Variants in ABCG4 observed in about 807,000 individuals in gnomAD.
ABCG4 encodes ATP-binding cassette sub-family G member 4.
In ABCG4, 35 loss-of-function variants were observed where a neutral mutation model predicts 64.6. The observed-to-expected ratio is 0.54, with a 90% CI of 0.41 to 0.72. The LOEUF (loss-of-function observed/expected upper bound fraction) is 0.72. Among genes scored for constraint, ABCG4 ranks in the 30% least tolerant of loss-of-function variants. The pLI is 0.00. For missense variants in ABCG4, 610 were observed against 846.3 expected (o/e 0.72, Z 3.46); for synonymous variants, 326 against 348.2 (o/e 0.94, Z 0.71).
Position 119,154,986 on chromosome 11 carries a change from A to C in ABCG4, c.686+71A>C, listed in dbSNP as rs2135122271. 1.0e-5 allele frequency: 16 copies of C among 1,538,960 alleles called. 1 individual carries two copies. The highest frequency in any genetic ancestry group is 1.8e-4 in the Middle Eastern group (1 of 5,704). On this transcript the variant is annotated intron_variant, in intron 6 of 14. Transcript: ENST00000619701. This position sits in a 1 kb window ranked among gnomAD's most constrained non-coding sequence, Gnocchi z 7.0. ...GCCCTGAGCCAGGGCTGGAGGCTGC[A>C]TCTTCTCCATGATCCAGAGCCTCTG...
chr11:119,156,304 C>T lies in ABCG4; in HGVS notation c.687-25C>T, dbSNP rs777856343. On this transcript the variant is annotated intron_variant, in intron 6 of 14. Transcript: ENST00000619701. This position sits in a 1 kb window ranked among gnomAD's most constrained non-coding sequence, Gnocchi z 5.5. ...TTTGGCCTCACCCACCTCACGTGGC[C>T]CCCTGGTGGCCTCTCTCTGGACAGT... The T allele has an allele frequency of 9.7e-5, 156 of 1,613,964 alleles. No individual in the cohort carries two copies. The highest frequency in any genetic ancestry group is 1.3e-4 in the Non-Finnish European group (154 of 1,179,964).
chr11:119,154,000 A>G (rs1438284751), intron 2 of ABCG4, 26 bp from the exon 3 acceptor site: 3 of 1,604,206 alleles, frequency 1.9e-6, no homozygotes, highest in African/African-American at 1.3e-5. Context: ...CAGCCTGACT[A>G]AAAATTCCTC....
In ABCG4 at chr11:119,156,312, G is replaced by A; in HGVS notation, c.687-17G>A. On this transcript the variant is annotated splice_polypyrimidine_tract_variant and intron_variant, in intron 6 of 14. Coordinates refer to ENST00000619701, the MANE Select transcript of ABCG4 (RefSeq NM_022169.5). The surrounding 1 kb of genome is among the most constrained non-coding windows in gnomAD (Gnocchi z 5.5). ...CACCCACCTCACGTGGCCCCCTGGT[G>A]GCCTCTCTCTGGACAGTGGTCTGGA... 1.2e-6 allele frequency: 2 copies of A among 1,614,118 alleles called. No homozygotes were observed. The highest frequency in any genetic ancestry group is 1.7e-6 in the Non-Finnish European group (2 of 1,180,012).
rs1034978579 is a variant in ABCG4 at position 119,149,517 on chromosome 11, G to A, written c.-13+154G>A. On this transcript the variant is annotated intron_variant, in intron 1 of 14. Coordinates refer to ENST00000619701, the MANE Select transcript of ABCG4 (RefSeq NM_022169.5). The surrounding 1 kb of genome is among the most constrained non-coding windows in gnomAD (Gnocchi z 8.3). ...GGCCGGCCTGGGCGTCGCGCCAAGGGATGGGGAGTGGGACGCAGCCGGAGG... is the reference window on the plus strand; with the variant it reads ...GGCCGGCCTGGGCGTCGCGCCAAGGAATGGGGAGTGGGACGCAGCCGGAGG... 7 of 157,052 alleles carry A rather than the reference G, an allele frequency of 4.5e-5. No individual in the cohort carries two copies. The highest frequency in any genetic ancestry group is 1.7e-4 in the African/African-American group (7 of 41,566). The allele number at this position is 157,052 out of a possible 1,614,324, so 9.7% of individuals were successfully genotyped here.
At position 119,160,537 on chromosome 11, in the gene ABCG4, GGT is replaced by G; in HGVS notation, c.1598_1599del (p.Val533GlyfsTer43). 1 of 1,610,228 alleles carries G rather than the reference GGT, an allele frequency of 6.2e-7. No individual in the cohort carries two copies. The highest frequency in any genetic ancestry group is 1.1e-5 in the South Asian group (1 of 91,082). ...GCCTGGCCCCCTCCCTTCCCCTCTAGGTGGCCACTTTTGTGGGCCCAGTTACC... is the reference window on the plus strand; with the variant it reads ...GCCTGGCCCCCTCCCTTCCCCTCTAGGGCCACTTTTGTGGGCCCAGTTACC... ...LIGAASNSLQ[V>X]ATFVGPVTAI... On this transcript the variant is annotated frameshift_variant and splice_region_variant, in exon 14 of 15. Transcript: ENST00000619701. LOFTEE classifies it high-confidence loss of function. This position sits in a 1 kb window ranked among gnomAD's most constrained non-coding sequence, Gnocchi z 4.6.
Position 119,154,585 on chromosome 11 carries a change from G to A in ABCG4, c.540+10G>A, listed in dbSNP as rs575432351. The A allele has an allele frequency of 1.9e-6, 3 of 1,612,406 alleles. No individual in the cohort carries two copies. The highest frequency in any genetic ancestry group is 2.2e-5 in the East Asian group (1 of 44,886). On this transcript the variant is annotated intron_variant, in intron 5 of 14. Coordinates refer to ENST00000619701, the MANE Select transcript of ABCG4 (RefSeq NM_022169.5). The surrounding 1 kb of genome is among the most constrained non-coding windows in gnomAD (Gnocchi z 7.0). ...GGTGAAGAAGGAGCTGGTGAGTGGG[G>A]AAGGGAGGCAGTGGGACCACTCCCT...
Position 119,156,998 on chromosome 11 carries a change from G to A in ABCG4, c.1052G>A (p.Cys351Tyr). 1.2e-6 allele frequency: 2 copies of A among 1,609,916 alleles called. No individual in the cohort carries two copies. The highest frequency in any genetic ancestry group is 1.7e-6 in the Non-Finnish European group (2 of 1,178,010). Residue 351 changes from cysteine to tyrosine, a missense_variant, in exon 9 of 15, where the codon TGC (cysteine) becomes TAC (tyrosine). Coordinates refer to ENST00000619701, the MANE Select transcript of ABCG4 (RefSeq NM_022169.5). This position sits in a 1 kb window ranked among gnomAD's most constrained non-coding sequence, Gnocchi z 5.5. The stretch of plus-strand genomic sequence containing the variant: ...GAGAAGAACGAGGTCCCTGCCCCAT[G>A]CCCTCCTTGTCCTCCGGTGAGTAGG... ...SPEKNEVPAP[C>Y]PPCPPEVDPI...
At position 119,154,373 on chromosome 11, in the gene ABCG4, C is replaced by A; in HGVS notation, c.470C>A (p.Thr157Lys). Reference sequence around the variant, plus strand: ...GATGACATGCTGCTGCCGCACCTCACGGTGTTGGAAGCCATGATGGTGAGG... The same window carrying A: ...GATGACATGCTGCTGCCGCACCTCAAGGTGTTGGAAGCCATGATGGTGAGG... ...MQDDMLLPHL[T>K]VLEAMMVSAN... The change falls in exon 4 of 15, where the codon ACG becomes AAG. Residue 157 changes from threonine (T) to lysine (K), a missense_variant. By Grantham distance (78) the Thr-to-Lys change is moderately conservative. Coordinates refer to ENST00000619701, the MANE Select transcript of ABCG4 (RefSeq NM_022169.5). This position sits in a 1 kb window ranked among gnomAD's most constrained non-coding sequence, Gnocchi z 7.0. The A allele has an allele frequency of 6.2e-7, 1 of 1,614,190 alleles. No individual in the cohort carries two copies. The highest frequency in any genetic ancestry group is 8.5e-7 in the Non-Finnish European group (1 of 1,180,038).
chr11:119,157,796 G>A (rs1310074170), intron 9 of ABCG4, among the ~76,000 whole-genome samples: 1 of 152,206 alleles, frequency 6.6e-6, no homozygotes, highest in Non-Finnish European at 1.5e-5. Context: ...AACCAGGGAG[G>A]CGGAGCTTGC....
rs186763345 is a variant in ABCG4, at chr11:119,155,018, G to A, written c.686+103G>A. 4.0e-4 allele frequency: 581 copies of A among 1,461,812 alleles called. 7 individuals carry two copies. In the African/African-American group the frequency reaches 7.6e-3, roughly 19 times the overall value. 90.6% of individuals were successfully genotyped at this position (1,461,812 alleles called of 1,614,324 possible). ...CCATGATCCAGAGCCTCTGTTCACA[G>A]CCTCCTGGGGCCAAGATAAGGGCTT... On this transcript the variant is annotated intron_variant, in intron 6 of 14. Coordinates refer to ENST00000619701, the MANE Select transcript of ABCG4 (RefSeq NM_022169.5). The surrounding 1 kb of genome is among the most constrained non-coding windows in gnomAD (Gnocchi z 4.5).
Position 119,155,183 on chromosome 11 carries a change from C to T in ABCG4, c.686+268C>T, listed in dbSNP as rs1948249933. On this transcript the variant is annotated intron_variant, in intron 6 of 14. Coordinates refer to ENST00000619701, the MANE Select transcript of ABCG4 (RefSeq NM_022169.5). The surrounding 1 kb of genome is among the most constrained non-coding windows in gnomAD (Gnocchi z 4.5). ...CATCAGTCACCAAGTCCTGTTGATT[C>T]TGCCTCCTTTTGATATCTCTCAGAT... Among the ~76,000 whole-genome samples, 1 of 152,198 alleles carries T rather than the reference C, an allele frequency of 6.6e-6. No individual in the cohort carries two copies. The highest frequency in any genetic ancestry group is 1.5e-5 in the Non-Finnish European group (1 of 68,044).
intron 9 of ABCG4, 88 bp downstream of exon 9, chr11:119,157,102 C>T (rs1948276164): frequency 1.3e-6 from 2 of 1,502,280 alleles, no homozygotes; most frequent in South Asian, 2.7e-5. Flanking sequence ...AGGCTGTTCC[C>T]CAGAGGCATT....
Position 119,161,131 on chromosome 11 carries a change from G to A in ABCG4, c.*25G>A. ...GAGGCTTGCCCCAGCCTGTACCCCA[G>A]CCCCTGCAGCAGGAAGCCCCCAGTC... On this transcript the variant is annotated 3_prime_UTR_variant, in exon 15 of 15. Coordinates refer to ENST00000619701, the MANE Select transcript of ABCG4 (RefSeq NM_022169.5). 3.1e-6 allele frequency: 5 copies of A among 1,599,486 alleles called. No homozygotes were observed. Among genetic ancestry groups the A allele is most frequent in the Non-Finnish European group, 4.3e-6 (5 of 1,170,662 alleles).
chr11:119,161,325 A>G lies in ABCG4; in HGVS notation c.*219A>G. 1.8e-6 allele frequency: 1 copy of G among 543,324 alleles called. No homozygotes were observed. The allele number at this position is 543,324 out of a possible 1,614,324, so 33.7% of individuals were successfully genotyped here. On this transcript the variant is annotated 3_prime_UTR_variant, in exon 15 of 15. Coordinates refer to ENST00000619701, the MANE Select transcript of ABCG4 (RefSeq NM_022169.5). ...CCCACTATGCCCAGGAGTCTTCCCA[A>G]GTTGATGCGGTTTGTAGCTTCCTCC...
In ABCG4 at chr11:119,158,281, A is replaced by C; in HGVS notation, c.1116A>C (p.Thr372=). 1 of 1,612,162 alleles carries C rather than the reference A, an allele frequency of 6.2e-7. No homozygotes were observed. The highest frequency in any genetic ancestry group is 8.5e-7 in the Non-Finnish European group (1 of 1,178,518). ...ESHTFATSTL[T]QFCILFKRTF... ...ACACCTTTGCCACCAGCACCCTCAC[A>C]CAGTTCTGCATCCTCTTCAAGAGGA... The change falls in exon 10 of 15, where the codon ACA becomes ACC. Residue 372 remains threonine, a synonymous_variant. Transcript: ENST00000619701. The surrounding 1 kb of genome is among the most constrained non-coding windows in gnomAD (Gnocchi z 4.5).
chr11:119,153,137 A>G (rs1401764298), intron 2 of ABCG4: 1 of 152,410 alleles, frequency 6.6e-6, no homozygotes, highest in Non-Finnish European at 1.5e-5. Flanking sequence ...TGTGTTTTAC[A>G]TATATTATCT....
In ABCG4 at chr11:119,158,962, C is replaced by T; in HGVS notation, c.1437+33C>T. On this transcript the variant is annotated intron_variant, in intron 12 of 14. Coordinates refer to ENST00000619701, the MANE Select transcript of ABCG4 (RefSeq NM_022169.5). This position sits in a 1 kb window ranked among gnomAD's most constrained non-coding sequence, Gnocchi z 4.5. ...TCTTCCTCCCACCTGCCCACTGCCT[C>T]CATCTTGTCTTGCTCCTTCTATCCT... 1 of 1,595,338 alleles carries T rather than the reference C, an allele frequency of 6.3e-7. No homozygotes were observed.
rs765658479 is a variant in ABCG4, at chr11:119,160,951, C to T, written c.1786C>T (p.Arg596Cys). ...AGGAGACCTGACATGTTTAGAGGAA[C>T]GCTGCCCGTTCCGGGAGCCACAGAG... is the stretch of plus-strand genomic sequence containing the variant. ...ERGDLTCLEE[R>C]CPFREPQSIL... is the part of the protein sequence containing the mutation. The change falls in exon 15 of 15, where the codon CGC becomes TGC. Residue 596 changes from arginine (R) to cysteine (C), a missense_variant. By Grantham distance (180) the Arg-to-Cys change is radical. Transcript: ENST00000619701. This position sits in a 1 kb window ranked among gnomAD's most constrained non-coding sequence, Gnocchi z 4.6. 17 of 1,613,958 alleles carry T rather than the reference C, an allele frequency of 1.1e-5. No homozygotes were observed. Among genetic ancestry groups the T allele is most frequent in the South Asian group, 3.3e-5 (3 of 91,088 alleles).
At position 119,158,767 on chromosome 11, in the gene ABCG4, C is replaced by T. The variant is rs746814638; in HGVS notation, c.1336+42C>T. Reference sequence around the variant, plus strand: ...TGGGCATGGGGCAAGGGTGTGGGTGCTGGGGCTTGGGGCAGGGGCCAGGGT... The same window carrying T: ...TGGGCATGGGGCAAGGGTGTGGGTGTTGGGGCTTGGGGCAGGGGCCAGGGT... On this transcript the variant is annotated intron_variant, in intron 11 of 14. Transcript: ENST00000619701. The surrounding 1 kb of genome is among the most constrained non-coding windows in gnomAD (Gnocchi z 4.5). 2 of 1,613,988 alleles carry T rather than the reference C, an allele frequency of 1.2e-6. No individual in the cohort carries two copies. The highest frequency in any genetic ancestry group is 1.7e-6 in the Non-Finnish European group (2 of 1,180,004).
Sources: gnomAD v4.1 joint callset for allele counts (sites outside exome capture counted in the v4.1 genomes callset) on GRCh38, gnomAD v4.1.1 for gene constraint, Gnocchi (gnomAD v3.1) non-coding constraint, MANE v1.5 for transcripts, NCBI Gene and HGNC (gene_info 2026-07-23, HGNC 2026-07-21) for gene names.